Variants in EYS observed in about 807,000 individuals in gnomAD.
EYS encodes protein eyes shut homolog.
Under a neutral mutation model 282.1 loss-of-function variants are expected in EYS, and 250 were observed. That is an observed-to-expected ratio of 0.89 (90% CI 0.80 to 0.98). The LOEUF (loss-of-function observed/expected upper bound fraction) is 0.98, where lower values mean the gene tolerates loss of function less well. Among genes scored for constraint, EYS ranks in the 50% least tolerant of loss-of-function variants. The pLI, the probability that EYS is intolerant of heterozygous loss-of-function variation, is 0.00. For synonymous variants in EYS, 1,355 were observed against 1,282.9 expected, an observed-to-expected ratio of 1.06 and a Z score of -1.20; for missense variants, 4,016 against 3,709.0, an observed-to-expected ratio of 1.08 and a Z score of -2.15.
At chr6:65,132,458 C>G (rs1775904863) in intron 12 of EYS, among the ~76,000 whole-genome samples, 1 of 151,680 alleles carries the variant, frequency 6.6e-6, no homozygotes, top group Non-Finnish European at 1.5e-5. Context: ...TAAAAGCAAA[C>G]CCCATGTGAT....
chr6:64,142,089 G>A (rs182329672), intron 31 of EYS, among the ~76,000 whole-genome samples: 47 of 152,168 alleles, frequency 3.1e-4, no homozygotes, highest in Middle Eastern at 6.8e-3. Context: ...AGTGGTGAAT[G>A]CCTAGGAGTC....
intron 15 of EYS, among the ~76,000 whole-genome samples, chr6:64,933,099 A>G (rs1768781723): frequency 1.3e-5 from 2 of 152,184 alleles, no homozygotes; most frequent in South Asian, 4.1e-4. Flanking sequence ...TTACTTGACA[A>G]ATATATTAAG....
chr6:65,028,416 ATG>A (rs1772489177), intron 13 of EYS, among the ~76,000 whole-genome samples: 1 of 151,932 alleles, frequency 6.6e-6, no homozygotes, highest in Non-Finnish European at 1.5e-5. Flanking sequence ...TTACTGCAGT[ATG>A]TGTTTTCTAA....
Position 65,007,659 on chromosome 6 carries a change from C to A in EYS, c.2138-9956G>T, listed in dbSNP as rs561524278. Among the ~76,000 whole-genome samples, 6 of 152,158 alleles carry A rather than the reference C, an allele frequency of 3.9e-5. No individual in the cohort carries two copies. In the South Asian group the frequency reaches 6.2e-4, roughly 16 times the overall value. On this transcript the variant is annotated intron_variant, in intron 13 of 42. Coordinates refer to ENST00000503581, the MANE Select transcript of EYS (RefSeq NM_001142800.2). ...AACTCTTTCCCCAATGAATAAGGACCCCCCTTCAACCCAAACGGTCCAAAA... is the reference window on the plus strand; with the variant it reads ...AACTCTTTCCCCAATGAATAAGGACACCCCTTCAACCCAAACGGTCCAAAA...
intron 12 of EYS, among the ~76,000 whole-genome samples, chr6:65,135,230 C>T (rs1775990642): frequency 6.6e-6 from 1 of 151,944 alleles, no homozygotes; most frequent in Non-Finnish European, 1.5e-5. Context: ...TAAAATAAAT[C>T]ACATCACCTT....
At chr6:65,065,898 A>G (rs1374386112) in intron 12 of EYS, among the ~76,000 whole-genome samples, 1 of 152,180 alleles carries the variant, frequency 6.6e-6, no homozygotes, top group Non-Finnish European at 1.5e-5. Flanking sequence ...TGCTATTAGA[A>G]CCTATCCAAT....
At chr6:65,521,223 T>A (rs1314363285) in intron 2 of EYS, among the ~76,000 whole-genome samples, 3 of 152,142 alleles carry the variant, frequency 2.0e-5, no homozygotes, top group Non-Finnish European at 4.4e-5. Flanking sequence ...TCAACATATA[T>A]ACGTGTTGTA....
At chr6:64,421,289 A>G (rs986726717) in intron 28 of EYS, among the ~76,000 whole-genome samples, 1 of 152,134 alleles carries the variant, frequency 6.6e-6, no homozygotes, top group African/African-American at 2.4e-5. Flanking sequence ...TGAGAACTTA[A>G]TATCATAAAA....
At chr6:64,005,173 G>A (rs986222110) in intron 33 of EYS, among the ~76,000 whole-genome samples, 2 of 152,076 alleles carry the variant, frequency 1.3e-5, no homozygotes, top group Non-Finnish European at 2.9e-5. Flanking sequence ...AGTGTGAGAT[G>A]GTATCTCCTT....
At chr6:63,914,732 A>T (rs901821410) in intron 35 of EYS, among the ~76,000 whole-genome samples, 4 of 122,138 alleles carry the variant, frequency 3.3e-5, no homozygotes, top group African/African-American at 8.9e-5. Context: ...AAAAAAAAAA[A>T]AGCAAAACAA....
At chr6:64,529,431 C>T (rs1582857320) in intron 26 of EYS, among the ~76,000 whole-genome samples, 1 of 152,036 alleles carries the variant, frequency 6.6e-6, no homozygotes, top group Non-Finnish European at 1.5e-5. Flanking sequence ...TTCTCCCAGA[C>T]TTAATTGTGA....
chr6:64,165,398 A>T lies in EYS; in HGVS notation c.6424+65194T>A, dbSNP rs1044829794. The stretch of plus-strand genomic sequence containing the variant: ...GAATAAGTTTAATGTATTAAGTAAC[A>T]ATAGTTTTCAATGAAACCTTAAACT... On this transcript the variant is annotated intron_variant, in intron 31 of 42. Transcript: ENST00000503581. Among the ~76,000 whole-genome samples the T allele has an allele frequency of 3.3e-5, 5 of 152,130 alleles. 1 individual carries two copies. The highest frequency in any genetic ancestry group is 4.8e-5 in the African/African-American group (2 of 41,444).
intron 22 of EYS, among the ~76,000 whole-genome samples, chr6:64,745,274 A>G (rs1022699942): frequency 6.6e-6 from 1 of 152,188 alleles, no homozygotes; most frequent in African/African-American, 2.4e-5. Flanking sequence ...GAAAACCAGG[A>G]TTTTAAAAGT....
intron 22 of EYS, among the ~76,000 whole-genome samples, chr6:64,681,448 C>A (rs1224926801): frequency 6.6e-6 from 1 of 152,050 alleles, no homozygotes; most frequent in East Asian, 1.9e-4. Flanking sequence ...AGGGCAAATA[C>A]TAGAAAGGAA....
intron 22 of EYS, among the ~76,000 whole-genome samples, chr6:64,693,919 A>G (rs997006721): frequency 6.6e-6 from 1 of 152,192 alleles, no homozygotes; most frequent in Non-Finnish European, 1.5e-5. Context: ...TTACATTTAT[A>G]CATAAGTGAT....
intron 35 of EYS, among the ~76,000 whole-genome samples, chr6:63,937,751 G>GA (rs1765116594): frequency 6.6e-6 from 1 of 151,812 alleles, no homozygotes; most frequent in African/African-American, 2.4e-5. Flanking sequence ...AAACAAGAAA[G>GA]AAAAAAATGG....
At chr6:64,329,011 T>C (rs759575135) in intron 29 of EYS, among the ~76,000 whole-genome samples, 5 of 152,114 alleles carry the variant, frequency 3.3e-5, no homozygotes, top group Non-Finnish European at 7.4e-5. Flanking sequence ...GGTCAAGGGA[T>C]TCAGAAATCA....
intron 12 of EYS, among the ~76,000 whole-genome samples, chr6:65,073,767 G>A (rs923264057): frequency 2.0e-5 from 3 of 151,902 alleles, no homozygotes; most frequent in African/African-American, 4.8e-5. Flanking sequence ...AAGATGTTAA[G>A]TGTAAGATTA....
intron 14 of EYS, among the ~76,000 whole-genome samples, chr6:64,953,894 A>G (rs1305599862): frequency 6.6e-6 from 1 of 152,020 alleles, no homozygotes; most frequent in African/African-American, 2.4e-5. Context: ...GTAGAGGAAG[A>G]TAATATAGAG....
Sources: gnomAD v4.1 joint callset for allele counts (sites outside exome capture counted in the v4.1 genomes callset) on GRCh38, gnomAD v4.1.1 for gene constraint, MANE v1.5 for transcripts, NCBI Gene and HGNC (gene_info 2026-07-23, HGNC 2026-07-21) for gene names.